Variants in STK33 observed in about 807,000 individuals in gnomAD.
STK33 encodes serine/threonine-protein kinase 33.
A neutral mutation model predicts 58.0 loss-of-function variants in STK33; 52 were observed. The ratio of observed to expected loss-of-function variants is 0.90; its 90% confidence interval spans 0.72 to 1.13. The LOEUF (loss-of-function observed/expected upper bound fraction) is 1.13. Among genes scored for constraint, STK33 ranks in the 50% most tolerant of loss-of-function variants. The pLI is 0.00. For synonymous variants in STK33, 215 were observed against 200.1 expected, an observed-to-expected ratio of 1.07 and a Z score of -0.63; for missense variants, 630 against 604.2, an observed-to-expected ratio of 1.04 and a Z score of -0.45.
At chr11:8,576,762 A>G (rs565820241) in intron 1 of STK33, among the ~76,000 whole-genome samples, 51 of 152,352 alleles carry the variant, frequency 3.3e-4, no homozygotes, top group African/African-American at 1.1e-3. Context: ...AAGGCCACAC[A>G]GCTAATAAAT....
At position 8,474,778 on chromosome 11, in the gene STK33, G is replaced by C. The variant is rs1949110239; in HGVS notation, c.128C>G (p.Ser43Ter). The C allele has an allele frequency of 6.2e-7, 1 of 1,613,180 alleles. No individual in the cohort carries two copies. The highest frequency in any genetic ancestry group is 2.2e-5 in the East Asian group (1 of 44,834). Residue 43 changes from serine to a stop codon, truncating the protein, a stop_gained, in exon 5 of 16, where the codon TCA (serine) becomes TGA (stop). Transcript: ENST00000687296. LOFTEE classifies it high-confidence loss of function. ...TGCACTACCAATGCTTGATGTCTGT[G>C]ACATTTCCACCACCAAAACTGGAGG... ...RVPPVLVVEM[S>*]QTSSIGSAES...
At chr11:8,481,885 T>C (rs536164698) in intron 1 of STK33, among the ~76,000 whole-genome samples, 5 of 152,318 alleles carry the variant, frequency 3.3e-5, no homozygotes, top group East Asian at 1.9e-4. Flanking sequence ...CCAACATCTA[T>C]AGGCATTGGT....
chr11:8,483,434 A>AGATG (rs1949981975), intron 1 of STK33, among the ~76,000 whole-genome samples: 1 of 152,190 alleles, frequency 6.6e-6, no homozygotes, highest in Non-Finnish European at 1.5e-5. Flanking sequence ...TAGGCACAAA[A>AGATG]GATGGATGGG....
At chr11:8,582,954 T>C (rs1321688351) in intron 1 of STK33, among the ~76,000 whole-genome samples, 1 of 152,214 alleles carries the variant, frequency 6.6e-6, no homozygotes, top group Non-Finnish European at 1.5e-5. Context: ...ATTTCTTTCA[T>C]AGAAGATCTG....
chr11:8,401,579 A>G (rs1452595687), intron 15 of STK33, among the ~76,000 whole-genome samples: 1 of 152,230 alleles, frequency 6.6e-6, no homozygotes, highest in Non-Finnish European at 1.5e-5. Flanking sequence ...TCATGTCTAA[A>G]ACACCAAAAG....
the STK33 span, among the ~76,000 whole-genome samples, chr11:8,353,267 G>A: frequency 0.061 from 9,303 of 152,252 alleles, 317 homozygotes; most frequent in Non-Finnish European, 0.076. Context: ...AGTTGGTGCC[G>A]GCTAAGCCTG....
rs191500771 is a variant in STK33, at chr11:8,420,410, C to T, written c.1147-6718G>A. On this transcript the variant is annotated intron_variant, in intron 14 of 15. Coordinates refer to ENST00000687296, the MANE Select transcript of STK33 (RefSeq NM_001352389.2). ...AATATTCCTATTCTTCAGGAGAAAA[C>T]GGTTTGAGAAATTAATGAATTTACC... Among the ~76,000 whole-genome samples the T allele has an allele frequency of 2.8e-4, 43 of 152,112 alleles. 1 individual carries two copies. In the East Asian group the frequency reaches 6.2e-3, roughly 22 times the overall value.
At chr11:8,386,680 C>T in the STK33 span, among the ~76,000 whole-genome samples, 1 of 152,154 alleles carries the variant, frequency 6.6e-6, no homozygotes, top group East Asian at 1.9e-4. Flanking sequence ...GCCCCCTGAA[C>T]CAGGACGGTG....
At chr11:8,469,627 T>C (rs1362052395) in intron 6 of STK33, among the ~76,000 whole-genome samples, 1 of 152,250 alleles carries the variant, frequency 6.6e-6, no homozygotes, top group Non-Finnish European at 1.5e-5. Context: ...CAAAAGGTTT[T>C]CAACTTAATC....
In STK33 at chr11:8,442,613, T is replaced by C. The variant is rs368491597; in HGVS notation, c.872-1860A>G. On this transcript the variant is annotated intron_variant, in intron 11 of 15. Coordinates refer to ENST00000687296, the MANE Select transcript of STK33 (RefSeq NM_001352389.2). Reference sequence around the variant, plus strand: ...GACAACTAATAAGGAGGCATTAAACTCAGGGTGCTTGAATATATTTTCCCC... The same window carrying C: ...GACAACTAATAAGGAGGCATTAAACCCAGGGTGCTTGAATATATTTTCCCC... Among the ~76,000 whole-genome samples, 52 of 152,316 alleles carry C rather than the reference T, an allele frequency of 3.4e-4. No homozygotes were observed. The South Asian group carries it at 0.01, about 30-fold the overall frequency.
intron 1 of STK33, among the ~76,000 whole-genome samples, chr11:8,539,543 T>C (rs369945534): frequency 9.2e-5 from 14 of 152,218 alleles, no homozygotes; most frequent in African/African-American, 3.4e-4. Flanking sequence ...CTGTTCACTT[T>C]TGATCTGAAA....
At chr11:8,379,399 A>C in the STK33 span, among the ~76,000 whole-genome samples, 1 of 152,224 alleles carries the variant, frequency 6.6e-6, no homozygotes. Flanking sequence ...TATGCATCAA[A>C]CGAAGAACTA....
the STK33 span, among the ~76,000 whole-genome samples, chr11:8,371,460 C>G: frequency 3.9e-5 from 6 of 152,318 alleles, no homozygotes; most frequent in Admixed American, 6.5e-5. Flanking sequence ...ATTTGGACTT[C>G]TGGCCTCCTG....
chr11:8,442,845 AAAG>A (rs1944941155), intron 11 of STK33, among the ~76,000 whole-genome samples: 1 of 152,220 alleles, frequency 6.6e-6, no homozygotes, highest in Non-Finnish European at 1.5e-5. Context: ...ATGTAAGACA[AAAG>A]AAGAAGACAG....
chr11:8,593,277 G>C (rs948243015), intron 1 of STK33, among the ~76,000 whole-genome samples: 20 of 152,174 alleles, frequency 1.3e-4, no homozygotes, highest in African/African-American at 4.6e-4. Context: ...TCCATTCACA[G>C]AGCCCTCTTT....
chr11:8,478,440 T>C (rs540384922), intron 2 of STK33, among the ~76,000 whole-genome samples: 1 of 152,330 alleles, frequency 6.6e-6, no homozygotes, highest in South Asian at 2.1e-4. Context: ...AACTAATACA[T>C]GAGCCTTCCT....
the STK33 span, among the ~76,000 whole-genome samples, chr11:8,355,096 G>C: frequency 6.6e-6 from 1 of 152,238 alleles, no homozygotes; most frequent in African/African-American, 2.4e-5. Context: ...CTTGAACAAG[G>C]GCTGCAGAGG....
chr11:8,426,277 C>T lies in STK33; in HGVS notation c.1146+9217G>A, dbSNP rs375740154. The stretch of plus-strand genomic sequence containing the variant: ...TCCTCCAACTGCCCCAGCCAAACTC[C>T]GTATTGTTCTGCCGGTGGATGGCTT... On this transcript the variant is annotated intron_variant, in intron 14 of 15. Coordinates refer to ENST00000687296, the MANE Select transcript of STK33 (RefSeq NM_001352389.2). 6.3e-4 allele frequency among the ~76,000 whole-genome samples: 96 copies of T among 152,326 alleles called. 1 individual carries two copies. The highest frequency in any genetic ancestry group is 2.2e-3 in the African/African-American group (91 of 41,576).
Position 8,392,718 on chromosome 11 carries a change from T to G in STK33, c.1345-8A>C, listed in dbSNP as rs190033774. 67 of 1,613,744 alleles carry G rather than the reference T, an allele frequency of 4.2e-5. No homozygotes were observed. Among genetic ancestry groups the G allele is most frequent in the Non-Finnish European group, 5.5e-5 (65 of 1,179,824 alleles). On this transcript the variant is annotated splice_polypyrimidine_tract_variant and splice_region_variant and intron_variant, in intron 15 of 15. Coordinates refer to ENST00000687296, the MANE Select transcript of STK33 (RefSeq NM_001352389.2). Reference sequence around the variant, plus strand: ...CTTTTCATAAGCAGTAGACTGCAAATAAAAGGTCTTGATTAATTTTCAGAC... The same window carrying G: ...CTTTTCATAAGCAGTAGACTGCAAAGAAAAGGTCTTGATTAATTTTCAGAC...
Sources: allele counts gnomAD v4.1 joint callset (sites outside exome capture counted in the v4.1 genomes callset), GRCh38; gene constraint gnomAD v4.1.1; transcripts MANE v1.5; gene names NCBI Gene and HGNC (gene_info 2026-07-23, HGNC 2026-07-21).